Variants in CAMSAP2 observed in about 807,000 individuals in gnomAD.
CAMSAP2 encodes the protein calmodulin-regulated spectrin-associated protein 2.
A neutral mutation model predicts 146.1 loss-of-function variants in CAMSAP2; 26 were observed. The ratio of observed to expected loss-of-function variants is 0.18; its 90% CI spans 0.13 to 0.25. The LOEUF (loss-of-function observed/expected upper bound fraction) is 0.25. CAMSAP2 is among the 10% of genes least tolerant of loss of function. The probability of loss-of-function intolerance (pLI) is 1.00; values close to 1 mark genes in which losing one functional copy is unlikely to be tolerated. For synonymous variants in CAMSAP2, 499 were observed against 596.6 expected (o/e 0.84, Z 2.38); for missense variants, 1,381 against 1,759.3 (o/e 0.78, Z 3.85).
rs1332196841 is a variant in CAMSAP2 at position 200,849,507 on chromosome 1, A to G, written c.2738A>G (p.Glu913Gly). ...CAGGAGATGTTAATGCAGATGAGAG[A>G]GCAACAATCTTGGGTGATTTCACCT... ...LQQEMLMQMR[E>G]QQSWVISPPQ... Residue 913 changes from glutamate (E) to glycine (G), a missense_variant, in exon 11 of 17, where the codon GAG becomes GGG. Glu to Gly is a moderately conservative substitution (Grantham distance 98). Coordinates refer to ENST00000358823, the MANE Select transcript of CAMSAP2 (RefSeq NM_203459.4). This position sits in a 1 kb window ranked among gnomAD's most constrained non-coding sequence, Gnocchi z 6.3. The G allele has an allele frequency of 3.7e-6, 6 of 1,614,090 alleles. No individual in the cohort carries two copies. Among genetic ancestry groups the G allele is most frequent in the Non-Finnish European group, 8.5e-7 (1 of 1,180,040 alleles).
At chr1:200,794,831 C>T (rs1665843110) in intron 2 of CAMSAP2, among the ~76,000 whole-genome samples, 1 of 152,238 alleles carries the variant, frequency 6.6e-6, no homozygotes, top group Admixed American at 6.5e-5. Flanking sequence ...TGGCAACCTC[C>T]AGCCATGTTG....
At chr1:200,780,794 C>G (rs73086650) in intron 2 of CAMSAP2, among the ~76,000 whole-genome samples, 15,333 of 152,280 alleles carry the variant, frequency 0.1, 872 homozygotes, top group Middle Eastern at 0.14. Context: ...TGCTGTTTCT[C>G]AGCTGTAAGT....
intron 6 of CAMSAP2, among the ~76,000 whole-genome samples, chr1:200,833,727 A>G (rs150630623): frequency 4.6e-5 from 7 of 152,320 alleles, no homozygotes; most frequent in Admixed American, 4.6e-4. Flanking sequence ...TAATTTTTGA[A>G]TTAAAAAATT....
chr1:200,762,071 G>C (rs1419281711), intron 2 of CAMSAP2, among the ~76,000 whole-genome samples: 3 of 152,172 alleles, frequency 2.0e-5, no homozygotes, highest in Non-Finnish European at 2.9e-5. Flanking sequence ...AGTTTTGCTT[G>C]GGAGGAAGGT....
At position 200,848,288 on chromosome 1, in the gene CAMSAP2, A is replaced by G. The variant is rs1233943191; in HGVS notation, c.1519A>G (p.Asn507Asp). ...CAAATCTTGTGTGCCCCTTAACACA[A>G]ATGAACTAAATTCTAATGAGAATAT... ...DLKSCVPLNT[N>D]ELNSNENIHY... Residue 507 changes from asparagine (N) to aspartate (D), a missense_variant, in exon 11 of 17, where the codon AAT becomes GAT. Physicochemically the swap from Asn to Asp is conservative, Grantham distance 23. Coordinates refer to ENST00000358823, the MANE Select transcript of CAMSAP2 (RefSeq NM_203459.4). 6.2e-7 allele frequency: 1 copy of G among 1,613,388 alleles called. No individual in the cohort carries two copies. Among genetic ancestry groups the G allele is most frequent in the Admixed American group, 1.7e-5 (1 of 59,854 alleles).
intron 2 of CAMSAP2, among the ~76,000 whole-genome samples, chr1:200,795,595 A>G (rs987596561): frequency 1.3e-5 from 2 of 152,188 alleles, no homozygotes; most frequent in African/African-American, 2.4e-5. Context: ...CTCAGGAGAC[A>G]TATCTTTCAT....
chr1:200,760,822 T>G lies in CAMSAP2; in HGVS notation c.140-17T>G. 3.3e-6 allele frequency: 5 copies of G among 1,518,530 alleles called. No homozygotes were observed. Among genetic ancestry groups the G allele is most frequent in the Non-Finnish European group, 4.4e-6 (5 of 1,126,654 alleles). The allele number at this position is 1,518,530 out of a possible 1,614,324, so 94.1% of individuals were successfully genotyped here. ...ATAAAAATCTTGTAAGAGAATTTTTTCCATTAATCTTTATAGAAAATGTGC... is the reference window on the plus strand; with the variant it reads ...ATAAAAATCTTGTAAGAGAATTTTTGCCATTAATCTTTATAGAAAATGTGC... On this transcript the variant is annotated splice_polypyrimidine_tract_variant and intron_variant, in intron 1 of 16. Coordinates refer to ENST00000358823, the MANE Select transcript of CAMSAP2 (RefSeq NM_203459.4).
intron 2 of CAMSAP2, among the ~76,000 whole-genome samples, chr1:200,791,631 C>T (rs1468423328): frequency 6.6e-6 from 1 of 152,076 alleles, no homozygotes; most frequent in Middle Eastern, 3.2e-3. Flanking sequence ...GTTATATTTA[C>T]AGTCTTATTC....
intron 3 of CAMSAP2, among the ~76,000 whole-genome samples, chr1:200,814,147 C>T (rs1006055571): frequency 1.9e-3 from 6 of 3,164 alleles, no homozygotes; most frequent in Admixed American, 3.6e-3. Flanking sequence ...GAGGGGTGGG[C>T]GGGTGGGGAA....
At chr1:200,761,918 T>A (rs1336561018) in intron 2 of CAMSAP2, among the ~76,000 whole-genome samples, 3 of 152,350 alleles carry the variant, frequency 2.0e-5, no homozygotes, top group East Asian at 3.9e-4. Context: ...TCAGGAAACA[T>A]AAATCTAAAT....
chr1:200,740,623 T>C (rs1300521184), intron 1 of CAMSAP2, among the ~76,000 whole-genome samples: 1 of 152,228 alleles, frequency 6.6e-6, no homozygotes, highest in Non-Finnish European at 1.5e-5. Flanking sequence ...CAAATGTATT[T>C]TGGCTTCATA....
chr1:200,752,151 A>G (rs12037134), intron 1 of CAMSAP2, among the ~76,000 whole-genome samples: 13,084 of 151,310 alleles, frequency 0.086, 1,110 homozygotes, highest in East Asian at 0.35. Context: ...CCGTTGGGGG[A>G]AAAAAAGCAT....
intron 7 of CAMSAP2, among the ~76,000 whole-genome samples, chr1:200,844,302 C>T (rs1272996046): frequency 6.6e-6 from 1 of 152,026 alleles, no homozygotes; most frequent in Non-Finnish European, 1.5e-5. Flanking sequence ...GTAATCCCAG[C>T]ACTTTGGGAG....
intron 3 of CAMSAP2, among the ~76,000 whole-genome samples, chr1:200,809,680 G>A (rs1302581293): frequency 6.6e-6 from 1 of 152,192 alleles, no homozygotes; most frequent in African/African-American, 2.4e-5. Context: ...GCAGTGAGCC[G>A]AGATCGCGCC....
rs1667771666 is a variant in CAMSAP2 at position 200,857,251 on chromosome 1, G to A, written c.4013-55G>A. ...ACAATTACATCATTTTAAAATAGTA[G>A]TATTTCTGACTTAGGAATGTTATTT... On this transcript the variant is annotated intron_variant, in intron 15 of 16. Coordinates refer to ENST00000358823, the MANE Select transcript of CAMSAP2 (RefSeq NM_203459.4). The surrounding 1 kb of genome is among the most constrained non-coding windows in gnomAD (Gnocchi z 4.7). 7 of 1,147,426 alleles carry A rather than the reference G, an allele frequency of 6.1e-6. No homozygotes were observed. The highest frequency in any genetic ancestry group is 3.7e-5 in the Admixed American group (2 of 53,876). The allele number at this position is 1,147,426 out of a possible 1,614,324, so 71.1% of individuals were successfully genotyped here. A position where few individuals can be genotyped will look rare whatever the true frequency, so the allele number is the denominator to read the frequency against.
In CAMSAP2 at chr1:200,860,307, GAA is replaced by G. The variant is rs1445258749; in HGVS notation, c.*2250_*2251del. 1.3e-5 allele frequency: 2 copies of G among 152,604 alleles called. No homozygotes were observed. The highest frequency in any genetic ancestry group is 4.8e-5 in the African/African-American group (2 of 41,400). 9.5% of individuals were successfully genotyped at this position (152,604 alleles called of 1,614,324 possible). The stretch of plus-strand genomic sequence containing the variant: ...TCTGAGGATTTTCGTCAACCTTACT[GAA>G]ACACACTGGTGCTTTCATCATCAGA... On this transcript the variant is annotated 3_prime_UTR_variant, in exon 17 of 17. Transcript: ENST00000358823.
chr1:200,837,673 A>G (rs1667218914), intron 6 of CAMSAP2, among the ~76,000 whole-genome samples: 1 of 152,174 alleles, frequency 6.6e-6, no homozygotes, highest in Admixed American at 6.6e-5. Flanking sequence ...CAGTATGGCT[A>G]TTTTAACAAT....
At position 200,807,358 on chromosome 1, in the gene CAMSAP2, C is replaced by T; in HGVS notation, c.400-18C>T. On this transcript the variant is annotated intron_variant, in intron 2 of 16. Coordinates refer to ENST00000358823, the MANE Select transcript of CAMSAP2 (RefSeq NM_203459.4). ...AAATATAATTTTTAAACTATTTGTT[C>T]TTGTTTTATATTTTCAGAGTGCACA... 1 of 1,463,908 alleles carries T rather than the reference C, an allele frequency of 6.8e-7. No homozygotes were observed. Among genetic ancestry groups the T allele is most frequent in the Non-Finnish European group, 9.1e-7 (1 of 1,099,934 alleles). 90.7% of individuals were successfully genotyped at this position (1,463,908 alleles called of 1,614,324 possible). A position where few individuals can be genotyped will look rare whatever the true frequency, so the allele number is the denominator to read the frequency against.
chr1:200,791,795 G>C (rs1044246860), intron 2 of CAMSAP2, among the ~76,000 whole-genome samples: 1 of 152,024 alleles, frequency 6.6e-6, no homozygotes, highest in Admixed American at 6.6e-5. Context: ...GTGAAGCCCT[G>C]TCTCCACTAA....
Sources: allele counts gnomAD v4.1 joint callset (sites outside exome capture counted in the v4.1 genomes callset), GRCh38; gene constraint gnomAD v4.1.1; non-coding constraint Gnocchi (gnomAD v3.1); transcripts MANE v1.5; gene names NCBI Gene and HGNC (gene_info 2026-07-23, HGNC 2026-07-21).